Variants in CEP112 observed in about 807,000 individuals in gnomAD.
The protein encoded by CEP112 is centrosomal protein of 112 kDa.
CEP112 carries 127 observed loss-of-function variants against 153.0 expected under a neutral mutation model. The observed-to-expected ratio is 0.83, with a 90% CI of 0.72 to 0.96. The LOEUF (loss-of-function observed/expected upper bound fraction) is 0.96. Among genes scored for constraint, CEP112 ranks in the 40% least tolerant of loss-of-function variants. CEP112 has a pLI of 0.00. For synonymous variants in CEP112, 358 were observed against 374.4 expected (o/e 0.96, Z 0.51); for missense variants, 1,089 against 1,101.2 (o/e 0.99, Z 0.16).
chr17:65,638,752 G>A (rs565860250), intron 25 of CEP112, among the ~76,000 whole-genome samples: 4 of 152,186 alleles, frequency 2.6e-5, no homozygotes, highest in East Asian at 1.9e-4. Context: ...TGACTCCTGC[G>A]TGCAGCTGCC....
intron 20 of CEP112, among the ~76,000 whole-genome samples, chr17:65,885,984 GC>G (rs776927928): frequency 1.3e-5 from 2 of 152,148 alleles, no homozygotes; most frequent in Non-Finnish European, 2.9e-5. Flanking sequence ...TATATGAATT[GC>G]TTTGTACTGC....
chr17:65,746,303 G>GA (rs1214523222), intron 22 of CEP112, among the ~76,000 whole-genome samples: 10 of 152,026 alleles, frequency 6.6e-5, no homozygotes, highest in Non-Finnish European at 1.5e-4. Flanking sequence ...TTCTTTGGGG[G>GA]AATAAGGAGA....
intron 6 of CEP112, among the ~76,000 whole-genome samples, chr17:66,103,381 T>TAGAA (rs1357924411): frequency 6.6e-6 from 1 of 151,872 alleles, no homozygotes; most frequent in African/African-American, 2.4e-5. Flanking sequence ...AGGAGGAGGA[T>TAGAA]AGAAAGAAAG....
At chr17:65,955,348 G>A (rs2061968315) in intron 18 of CEP112, among the ~76,000 whole-genome samples, 1 of 152,086 alleles carries the variant, frequency 6.6e-6, no homozygotes, top group South Asian at 2.1e-4. Flanking sequence ...ACCACTAAAT[G>A]AACTGCTAAA....
At chr17:65,725,048 T>C (rs890225179) in intron 23 of CEP112, among the ~76,000 whole-genome samples, 1 of 152,216 alleles carries the variant, frequency 6.6e-6, no homozygotes, top group Non-Finnish European at 1.5e-5. Context: ...ACAAAGTCTC[T>C]GATTGAACAG....
intron 12 of CEP112, among the ~76,000 whole-genome samples, chr17:66,044,670 G>T (rs554330170): frequency 6.6e-6 from 1 of 152,140 alleles, no homozygotes; most frequent in African/African-American, 2.4e-5. Context: ...GGTCAAATTC[G>T]TAAGAGACTA....
At chr17:65,762,511 T>C (rs963110490) in intron 21 of CEP112, among the ~76,000 whole-genome samples, 3 of 152,066 alleles carry the variant, frequency 2.0e-5, no homozygotes, top group Admixed American at 2.0e-4. Context: ...AGTTTTCCTA[T>C]TTTTGTCTTA....
At chr17:65,839,595 T>C (rs1318889890) in intron 21 of CEP112, among the ~76,000 whole-genome samples, 2 of 152,084 alleles carry the variant, frequency 1.3e-5, no homozygotes, top group East Asian at 1.9e-4. Flanking sequence ...GCCTTTTCTC[T>C]AAAATCTGAA....
At chr17:65,645,120 C>G (rs1267056468) in intron 24 of CEP112, among the ~76,000 whole-genome samples, 5 of 151,460 alleles carry the variant, frequency 3.3e-5, no homozygotes, top group Non-Finnish European at 7.4e-5. Flanking sequence ...TATATATATA[C>G]TTATATGTAT....
At chr17:65,903,339 T>G (rs1382540764) in intron 19 of CEP112, 1 of 152,234 alleles carries the variant, frequency 6.6e-6, no homozygotes, top group African/African-American at 2.4e-5. Context: ...AAATCGATCT[T>G]GTTTCGTGCA....
At chr17:65,734,060 C>A (rs144750485) in intron 23 of CEP112, among the ~76,000 whole-genome samples, 51 of 152,320 alleles carry the variant, frequency 3.3e-4, no homozygotes, top group African/African-American at 1.2e-3. Context: ...TGTGCTGTCC[C>A]AGGACCCACT....
intron 12 of CEP112, among the ~76,000 whole-genome samples, chr17:66,051,375 A>C (rs1405379054): frequency 1.3e-5 from 2 of 148,668 alleles, no homozygotes; most frequent in East Asian, 1.9e-4. Flanking sequence ...TATTAATATA[A>C]TATTTTATGT....
chr17:66,025,607 T>G (rs903550634), intron 16 of CEP112, among the ~76,000 whole-genome samples: 7 of 152,064 alleles, frequency 4.6e-5, no homozygotes, highest in Non-Finnish European at 1.0e-4. Context: ...TGAGATATCA[T>G]CTTATTCTAG....
intron 21 of CEP112, among the ~76,000 whole-genome samples, chr17:65,778,828 T>A (rs1484854039): frequency 6.6e-6 from 1 of 152,114 alleles, no homozygotes; most frequent in Non-Finnish European, 1.5e-5. Flanking sequence ...AAATTGGACA[T>A]AAATTTACCC....
intron 19 of CEP112, among the ~76,000 whole-genome samples, chr17:65,925,127 T>C (rs978799253): frequency 1.3e-5 from 2 of 152,286 alleles, no homozygotes; most frequent in South Asian, 4.1e-4. Flanking sequence ...AATTAAATCA[T>C]GGGGGCAGCT....
chr17:66,152,287 T>C (rs2071244148), intron 4 of CEP112, among the ~76,000 whole-genome samples: 3 of 152,156 alleles, frequency 2.0e-5, no homozygotes, highest in Admixed American at 6.5e-5. Context: ...GGGATCCTTT[T>C]TACATAGAGA....
intron 20 of CEP112, among the ~76,000 whole-genome samples, chr17:65,885,485 C>CT (rs908573689): frequency 1.3e-5 from 2 of 151,850 alleles, no homozygotes; most frequent in East Asian, 1.9e-4. Flanking sequence ...TGTTGTTTTC[C>CT]TTTTTAAAAA....
intron 8 of CEP112, among the ~76,000 whole-genome samples, chr17:66,076,370 A>G (rs2067496356): frequency 6.6e-6 from 1 of 152,172 alleles, no homozygotes; most frequent in South Asian, 2.1e-4. Context: ...CTAGGGGGAC[A>G]TGGTGGGGGT....
At chr17:65,841,139 C>T (rs2146216052) in intron 21 of CEP112, among the ~76,000 whole-genome samples, 1 of 152,098 alleles carries the variant, frequency 6.6e-6, no homozygotes, top group East Asian at 1.9e-4. Flanking sequence ...CCAGCAATTC[C>T]ACTGCTGAAT....
Sources: gnomAD v4.1 joint callset for allele counts (sites outside exome capture counted in the v4.1 genomes callset) on GRCh38, gnomAD v4.1.1 for gene constraint, MANE v1.5 for transcripts, NCBI Gene and HGNC (gene_info 2026-07-23, HGNC 2026-07-21) for gene names.